The following UNC5D variants were observed in gnomAD, a reference collection of about 807,000 sequenced individuals.
The protein encoded by UNC5D is netrin receptor UNC5D.
UNC5D carries 39 observed loss-of-function variants against 105.4 expected under a neutral mutation model. The ratio of observed to expected loss-of-function variants is 0.37; its 90% CI spans 0.29 to 0.48. The LOEUF is 0.48. Ranked by LOEUF, UNC5D falls within the 20% of genes least tolerant of loss-of-function variation. UNC5D has a pLI of 0.98. For synonymous variants in UNC5D, 452 were observed against 450.4 expected, an observed-to-expected ratio of 1.00 and a Z score of -0.04; for missense variants, 991 against 1,202.4, an observed-to-expected ratio of 0.82 and a Z score of 2.60.
At chr8:35,260,256 C>T (rs1294262542) in intron 1 of UNC5D, among the ~76,000 whole-genome samples, 2 of 152,116 alleles carry the variant, frequency 1.3e-5, no homozygotes, top group Non-Finnish European at 2.9e-5. Flanking sequence ...TGTACCACAC[C>T]TGACATACAG....
At chr8:35,501,433 AGAGCCCCTGAGTG>A (rs1161361189) in intron 1 of UNC5D, among the ~76,000 whole-genome samples, 1 of 152,222 alleles carries the variant, frequency 6.6e-6, no homozygotes, top group African/African-American at 2.4e-5. Context: ...CACTATGGGC[AGAGCCCCTGAGTG>A]GAGCAGTGGG....
At position 35,742,378 on chromosome 8, in the gene UNC5D, A is replaced by G. The variant is rs189655573; in HGVS notation, c.1767-6149A>G. Among the ~76,000 whole-genome samples the G allele has an allele frequency of 1.8e-4, 28 of 152,308 alleles. No homozygotes were observed. In the East Asian group the frequency reaches 3.3e-3, roughly 18 times the overall value. On this transcript the variant is annotated intron_variant, in intron 11 of 16. Transcript: ENST00000404895. The stretch of plus-strand genomic sequence containing the variant: ...TGAAAAATGAATAATAATAGTTAAA[A>G]CTATATGTCTTGTGCATGGAAAACT...
At chr8:35,236,159 C>T (rs975397783) in intron 1 of UNC5D, among the ~76,000 whole-genome samples, 6 of 152,182 alleles carry the variant, frequency 3.9e-5, no homozygotes, top group Non-Finnish European at 7.3e-5. Context: ...TCCAAGCCCT[C>T]CCCAATTGCT....
At chr8:35,646,226 G>C (rs556399311) in intron 4 of UNC5D, among the ~76,000 whole-genome samples, 5 of 152,192 alleles carry the variant, frequency 3.3e-5, no homozygotes, top group East Asian at 1.9e-4. Context: ...CAGATTACTA[G>C]GTGATAGGTG....
chr8:35,243,332 G>A (rs1802907351), intron 1 of UNC5D, among the ~76,000 whole-genome samples: 2 of 152,116 alleles, frequency 1.3e-5, no homozygotes, highest in South Asian at 2.1e-4. Flanking sequence ...TGAGGGCGCC[G>A]TCCTGATGCA....
At chr8:35,657,078 GTGTA>G (rs1390196972) in intron 4 of UNC5D, among the ~76,000 whole-genome samples, 101 of 80,516 alleles carry the variant, frequency 1.3e-3, no homozygotes, top group Non-Finnish European at 1.5e-3. Flanking sequence ...GTGTGTGTGT[GTGTA>G]TATATATATA....
chr8:35,445,222 T>G (rs1807693708), intron 1 of UNC5D, among the ~76,000 whole-genome samples: 2 of 152,132 alleles, frequency 1.3e-5, no homozygotes, highest in South Asian at 4.1e-4. Flanking sequence ...CTCTGTCCAC[T>G]CCTAGTCATT....
intron 1 of UNC5D, among the ~76,000 whole-genome samples, chr8:35,274,526 C>T (rs1201085608): frequency 1.3e-5 from 2 of 152,128 alleles, no homozygotes; most frequent in Non-Finnish European, 2.9e-5. Flanking sequence ...GCCTAGAAGA[C>T]GACGGCCTGT....
intron 1 of UNC5D, among the ~76,000 whole-genome samples, chr8:35,389,932 A>T (rs1324257822): frequency 6.6e-6 from 1 of 152,242 alleles, no homozygotes; most frequent in Non-Finnish European, 1.5e-5. Context: ...GAATTGTATT[A>T]GTCCATTCTT....
chr8:35,237,821 G>A (rs1802567943), intron 1 of UNC5D, among the ~76,000 whole-genome samples: 1 of 152,340 alleles, frequency 6.6e-6, no homozygotes, highest in East Asian at 1.9e-4. Flanking sequence ...CTCAAGAAAT[G>A]AGCACTAGTC....
chr8:35,252,405 A>T (rs1202378057), intron 1 of UNC5D, among the ~76,000 whole-genome samples: 1 of 152,016 alleles, frequency 6.6e-6, no homozygotes. Flanking sequence ...ATCACTCTTA[A>T]ATTTTGTGCT....
At chr8:35,370,422 C>T (rs916734518) in intron 1 of UNC5D, among the ~76,000 whole-genome samples, 2 of 152,018 alleles carry the variant, frequency 1.3e-5, no homozygotes, top group Admixed American at 1.3e-4. Flanking sequence ...CTGTCATATT[C>T]CTTTGAAATG....
chr8:35,371,201 CACAA>C (rs937484690), intron 1 of UNC5D, among the ~76,000 whole-genome samples: 1 of 142,090 alleles, frequency 7.0e-6, no homozygotes, highest in Non-Finnish European at 1.5e-5. Flanking sequence ...CACACACACA[CACAA>C]AGTTTTTCAG....
Position 35,305,785 on chromosome 8 carries a change from TTTC to T in UNC5D, c.103+69901_103+69903del, listed in dbSNP as rs910217741. Reference sequence around the variant, plus strand: ...TCCTCCCTCCATCACTCTCTGCCTCTTTCTTTCTTTCTCTCTTTTCTTTCTTTC... The same window carrying T: ...TCCTCCCTCCATCACTCTCTGCCTCTTTTCTTTCTCTCTTTTCTTTCTTTC... On this transcript the variant is annotated intron_variant, in intron 1 of 16. Transcript: ENST00000404895. Among the ~76,000 whole-genome samples, 14 of 150,324 alleles carry T rather than the reference TTTC, an allele frequency of 9.3e-5. No individual in the cohort carries two copies. The Admixed American group carries it at 9.3e-4, about 10-fold the overall frequency.
chr8:35,784,303 T>C (rs561104787), intron 16 of UNC5D, among the ~76,000 whole-genome samples: 21 of 152,052 alleles, frequency 1.4e-4, no homozygotes, highest in Non-Finnish European at 2.9e-4. Context: ...GGCTGTCTTC[T>C]CCTAAGCTTT....
rs757934428 is a variant in UNC5D, at chr8:35,793,291, C to A, written c.*2728C>A. 4.3e-5 allele frequency: 16 copies of A among 373,080 alleles called. No individual in the cohort carries two copies. The highest frequency in any genetic ancestry group is 3.0e-4 in the South Asian group (15 of 49,746). 23.1% of individuals were successfully genotyped at this position (373,080 alleles called of 1,614,324 possible). A position where few individuals can be genotyped will look rare whatever the true frequency, so the allele number is the denominator to read the frequency against. On this transcript the variant is annotated 3_prime_UTR_variant, in exon 17 of 17. Coordinates refer to ENST00000404895, the MANE Select transcript of UNC5D (RefSeq NM_080872.4). The stretch of plus-strand genomic sequence containing the variant: ...TGGTGGAGGAGGTAGAATTGCAGAT[C>A]AGATAAAAAGTGAGCTTACACTTGA...
chr8:35,393,215 C>T (rs1803887178), intron 1 of UNC5D, among the ~76,000 whole-genome samples: 1 of 138,420 alleles, frequency 7.2e-6, no homozygotes, highest in South Asian at 2.4e-4. Context: ...TCACTGCAGG[C>T]TCCGCCCCCT....
At chr8:35,592,070 T>C (rs186138666) in intron 3 of UNC5D, among the ~76,000 whole-genome samples, 93 of 152,358 alleles carry the variant, frequency 6.1e-4, no homozygotes, top group African/African-American at 1.1e-3. Flanking sequence ...TGATGCATCC[T>C]GACTGATGCT....
intron 1 of UNC5D, among the ~76,000 whole-genome samples, chr8:35,417,870 G>A (rs1805630017): frequency 6.6e-6 from 1 of 152,132 alleles, no homozygotes; most frequent in African/African-American, 2.4e-5. Context: ...ATACACATAT[G>A]TAACAGTATT....
Sources: gnomAD v4.1 joint callset for allele counts (sites outside exome capture counted in the v4.1 genomes callset) on GRCh38, gnomAD v4.1.1 for gene constraint, MANE v1.5 for transcripts, NCBI Gene and HGNC (gene_info 2026-07-23, HGNC 2026-07-21) for gene names.